Variants in TNXB observed in about 807,000 individuals in gnomAD.
The protein encoded by TNXB is tenascin-X.
A neutral mutation model predicts 340.5 loss-of-function variants in TNXB; 183 were observed. The ratio of observed to expected loss-of-function variants is 0.54; its 90% CI spans 0.48 to 0.61. The LOEUF (loss-of-function observed/expected upper bound fraction) is 0.61, where lower values mean the gene tolerates loss of function less well. Ranked by LOEUF, TNXB falls within the 20% of genes least tolerant of loss-of-function variation. The probability of loss-of-function intolerance (pLI) is 0.00; values close to 1 mark genes in which losing one functional copy is unlikely to be tolerated. For missense variants in TNXB, 4,613 were observed against 5,446.4 expected, an observed-to-expected ratio of 0.85 and a Z score of 4.82; for synonymous variants, 2,121 against 2,314.5, an observed-to-expected ratio of 0.92 and a Z score of 2.40.
intron 25 of TNXB, 36 bp downstream of exon 25, chr6:32,053,352 A>C: frequency 6.3e-7 from 1 of 1,599,102 alleles, no homozygotes; most frequent in Non-Finnish European, 8.5e-7. Flanking sequence ...AGACCCTCCC[A>C]CAGGCCCCAC....
At chr6:32,100,107 C>CTT (rs28892603) in intron 1 of TNXB, among the ~76,000 whole-genome samples, 9 of 141,336 alleles carry the variant, frequency 6.4e-5, no homozygotes, top group African/African-American at 1.3e-4. Context: ...AGCAAGATTT[C>CTT]TTTTTTTTTT....
In TNXB at chr6:32,095,643, T is replaced by C; in HGVS notation, c.2210A>G (p.Lys737Arg). 1 of 1,613,874 alleles carries C rather than the reference T, an allele frequency of 6.2e-7. No individual in the cohort carries two copies. The highest frequency in any genetic ancestry group is 8.5e-7 in the Non-Finnish European group (1 of 1,179,798). Residue 737 changes from lysine (K) to arginine (R), a missense_variant, in exon 3 of 44, where the codon AAA becomes AGA. This residue lies in a region of TNXB where 4,327 missense variants were observed against 4,859.4 expected (regional missense o/e 0.89). Transcript: ENST00000644971. ...GCAGTCTTCGCCAGCATACCCATCT[T>C]TGCAGACACAGCTGCCATCGTGACA... ...GECHDGSCVC[K>R]DGYAGEDCGE...
intron 29 of TNXB, 85 bp downstream of exon 29, chr6:32,048,278 G>C (rs900653878): frequency 1.8e-5 from 25 of 1,381,462 alleles, no homozygotes; most frequent in Non-Finnish European, 2.4e-5. Flanking sequence ...GAGGACTGGA[G>C]TGTGGGGCAC....
At chr6:32,078,522 T>C (rs1248678913) in intron 11 of TNXB, 1 of 151,652 alleles carries the variant, frequency 6.6e-6, no homozygotes, top group East Asian at 2.0e-4. Flanking sequence ...AAGAGGCCAA[T>C]GTCTCACGCG....
intron 22 of TNXB, among the ~76,000 whole-genome samples, chr6:32,057,772 G>T (rs969452693): frequency 2.0e-5 from 3 of 152,198 alleles, no homozygotes; most frequent in African/African-American, 7.2e-5. Context: ...GCTAAGGCAT[G>T]CCTGGCCTCA....
chr6:32,078,175 G>A (rs1779215953), intron 11 of TNXB, among the ~76,000 whole-genome samples: 1 of 152,002 alleles, frequency 6.6e-6, no homozygotes, highest in Non-Finnish European at 1.5e-5. Context: ...GGTCAGGCGT[G>A]GTGGCTCACG....
At position 32,096,219 on chromosome 6, in the gene TNXB, C is replaced by T. The variant is rs1299930307; in HGVS notation, c.1634G>A (p.Cys545Tyr). Residue 545 changes from cysteine to tyrosine, a missense_variant, in exon 3 of 44, where the codon TGT (cysteine) becomes TAT (tyrosine). Physicochemically the swap from Cys to Tyr is radical, Grantham distance 194. Around this residue, in one of 7 missense-constraint regions of TNXB, gnomAD observed 4,327 missense variants for 4,859.4 expected, o/e 0.89. Coordinates refer to ENST00000644971, the MANE Select transcript of TNXB (RefSeq NM_001365276.2). ...HGLCEDGVCV[C>Y]DAGYSGEDCS... ...GTCTTCCCCTGAGTAGCCTGCGTCA[C>T]ACACGCACACGCCATCCTCGCAAAG... is the stretch of plus-strand genomic sequence containing the variant. 1.3e-6 allele frequency: 2 copies of T among 1,569,006 alleles called. No homozygotes were observed. Among genetic ancestry groups the T allele is most frequent in the Non-Finnish European group, 1.7e-6 (2 of 1,160,496 alleles).
rs747570407 is a variant in TNXB, at chr6:32,067,614, G to A, written c.6544+47C>T. On this transcript the variant is annotated intron_variant, in intron 18 of 43. Transcript: ENST00000644971. The surrounding 1 kb of genome is among the most constrained non-coding windows in gnomAD (Gnocchi z 4.2). ...CCTAGTGGAGGAGATGCTGGAGGCT[G>A]TACTTTGCTAAGACCCAACCCAGAG... is the stretch of plus-strand genomic sequence containing the variant. The A allele has an allele frequency of 4.2e-5, 66 of 1,588,160 alleles. 1 individual carries two copies. Among genetic ancestry groups the A allele is most frequent in the Non-Finnish European group, 5.3e-5 (62 of 1,165,788 alleles).
At position 32,061,863 on chromosome 6, in the gene TNXB, A is replaced by C; in HGVS notation, c.7169-143T>G. 8.1e-7 allele frequency: 1 copy of C among 1,240,556 alleles called. No homozygotes were observed. 76.8% of individuals were successfully genotyped at this position (1,240,556 alleles called of 1,614,324 possible). On this transcript the variant is annotated intron_variant, in intron 20 of 43. Coordinates refer to ENST00000644971, the MANE Select transcript of TNXB (RefSeq NM_001365276.2). The surrounding 1 kb of genome is among the most constrained non-coding windows in gnomAD (Gnocchi z 4.4). ...TAGGGGACCTGAGGTCAGTTCAGAG[A>C]GGCCCATTCTTGGGGTCCTGCTCAG...
chr6:32,084,765 T>C lies in TNXB; in HGVS notation c.3149-56A>G. On this transcript the variant is annotated intron_variant, in intron 7 of 43. Coordinates refer to ENST00000644971, the MANE Select transcript of TNXB (RefSeq NM_001365276.2). The surrounding 1 kb of genome is among the most constrained non-coding windows in gnomAD (Gnocchi z 5.5). ...GTGGACTCAACCGTTCTCTTGTCTG[T>C]GTCTCCTTCCCTCTCCCCTGCCCAC... The C allele has an allele frequency of 6.9e-7, 1 of 1,449,954 alleles. No homozygotes were observed. The highest frequency in any genetic ancestry group is 9.2e-7 in the Non-Finnish European group (1 of 1,090,440). The allele number at this position is 1,449,954 out of a possible 1,614,324, so 89.8% of individuals were successfully genotyped here. A position where few individuals can be genotyped will look rare whatever the true frequency, so the allele number is the denominator to read the frequency against.
At chr6:32,059,802 C>T (rs975127002) in intron 21 of TNXB, among the ~76,000 whole-genome samples, 1 of 151,916 alleles carries the variant, frequency 6.6e-6, no homozygotes, top group Non-Finnish European at 1.5e-5. Flanking sequence ...TGAGCTCGCA[C>T]CTCACTTGGT....
chr6:32,076,954 C>A (rs902117846), intron 11 of TNXB, among the ~76,000 whole-genome samples: 1 of 151,962 alleles, frequency 6.6e-6, no homozygotes, highest in African/African-American at 2.4e-5. Flanking sequence ...TGCACTCCAG[C>A]CTGGGTGACA....
In TNXB at chr6:32,049,166, C is replaced by G. The variant is rs1378487710; in HGVS notation, c.9757+104G>C. 2.8e-6 allele frequency: 4 copies of G among 1,419,418 alleles called. No individual in the cohort carries two copies. The highest frequency in any genetic ancestry group is 3.7e-6 in the Non-Finnish European group (4 of 1,076,454). 87.9% of individuals were successfully genotyped at this position (1,419,418 alleles called of 1,614,324 possible). On this transcript the variant is annotated intron_variant, in intron 28 of 43. Transcript: ENST00000644971. This position sits in a 1 kb window ranked among gnomAD's most constrained non-coding sequence, Gnocchi z 4.5. Reference sequence around the variant, plus strand: ...ATCATTAGCAACATGGGAGAAAAGACAGAAACCTAGAGGCCCAGTCAAAAG... The same window carrying G: ...ATCATTAGCAACATGGGAGAAAAGAGAGAAACCTAGAGGCCCAGTCAAAAG...
rs761116914 is a variant in TNXB, at chr6:32,069,173, G to A, written c.5588-37C>T. The A allele has an allele frequency of 1.9e-6, 3 of 1,565,260 alleles. No homozygotes were observed. In the South Asian group the frequency reaches 3.5e-5, roughly 18 times the overall value. On this transcript the variant is annotated intron_variant, in intron 15 of 43. Coordinates refer to ENST00000644971, the MANE Select transcript of TNXB (RefSeq NM_001365276.2). This position sits in a 1 kb window ranked among gnomAD's most constrained non-coding sequence, Gnocchi z 6.2. Reference sequence around the variant, plus strand: ...AGACAGGTAGAGACAGATGGCTGGTGTGTCGCTGCACCCAGACTCTCAGGA... The same window carrying A: ...AGACAGGTAGAGACAGATGGCTGGTATGTCGCTGCACCCAGACTCTCAGGA...
chr6:32,048,684 G>A (rs1302972110), intron 28 of TNXB, 34 bp from the exon 29 acceptor site: 4 of 1,403,586 alleles, frequency 2.8e-6, no homozygotes, highest in Non-Finnish European at 3.7e-6. Flanking sequence ...TGGGTCAGGA[G>A]GCAGGACCCT....
In TNXB at chr6:32,058,563, C is replaced by T. The variant is rs1777826005; in HGVS notation, c.7493-173G>A. 2.6e-5 allele frequency among the ~76,000 whole-genome samples: 4 copies of T among 151,834 alleles called. No homozygotes were observed. The South Asian group carries it at 6.2e-4, about 24-fold the overall frequency. The stretch of plus-strand genomic sequence containing the variant: ...TTGGAATAAGAGCCGGTGAGGTATC[C>T]CCGAGCCCCCGGCCTGTACTGCTGG... On this transcript the variant is annotated intron_variant, in intron 21 of 43. Transcript: ENST00000644971. The surrounding 1 kb of genome is among the most constrained non-coding windows in gnomAD (Gnocchi z 5.1).
chr6:32,068,667 G>A lies in TNXB; in HGVS notation c.5943C>T (p.Thr1981=). 6.2e-7 allele frequency: 1 copy of A among 1,613,952 alleles called. No homozygotes were observed. Residue 1981 remains threonine (T), a synonymous_variant, in exon 17 of 44, where the codon ACC becomes ACT. Transcript: ENST00000644971. The surrounding 1 kb of genome is among the most constrained non-coding windows in gnomAD (Gnocchi z 5.3). ...GGCGAGGCTTGATGGGGGGCTCGGG[G>A]GTTGCGGTGGGAGGTTCTGAAGGCT... ...EEKPSEPPTA[T]PEPPIKPRLG... is the part of the protein sequence containing the mutation.
At position 32,079,454 on chromosome 6, in the gene TNXB, G is replaced by T; in HGVS notation, c.4043-89C>A. 2 of 1,073,804 alleles carry T rather than the reference G, an allele frequency of 1.9e-6. No homozygotes were observed. Among genetic ancestry groups the T allele is most frequent in the Non-Finnish European group, 2.7e-6 (2 of 752,182 alleles). The allele number at this position is 1,073,804 out of a possible 1,614,324, so 66.5% of individuals were successfully genotyped here. A position where few individuals can be genotyped will look rare whatever the true frequency, so the allele number is the denominator to read the frequency against. ...CCATGGAAATGCCCTTACGCTGTGG[G>T]CTCAGGGGCTCTGTAGCCTTTGTAT... is the stretch of plus-strand genomic sequence containing the variant. On this transcript the variant is annotated intron_variant, in intron 10 of 43. Transcript: ENST00000644971. The surrounding 1 kb of genome is among the most constrained non-coding windows in gnomAD (Gnocchi z 7.1).
rs1457733167 is a variant in TNXB, at chr6:32,098,046, T to C, written c.153A>G (p.Gly51=). The C allele has an allele frequency of 1.2e-6, 2 of 1,606,986 alleles. No individual in the cohort carries two copies. Among genetic ancestry groups the C allele is most frequent in the Middle Eastern group, 1.7e-4 (1 of 6,054 alleles). Residue 51 remains glycine, a synonymous_variant, in exon 2 of 44, where the codon GGA becomes GGG. Coordinates refer to ENST00000644971, the MANE Select transcript of TNXB (RefSeq NM_001365276.2). ...PQPGGHTVGA[G]VGSPSSQLYE... Reference sequence around the variant, plus strand: ...AAAGCTGAGAAGAGGGGCTTCCCACTCCAGCCCCCACTGTGTGGCCCCCTG... The same window carrying C: ...AAAGCTGAGAAGAGGGGCTTCCCACCCCAGCCCCCACTGTGTGGCCCCCTG...
Sources: gnomAD v4.1 joint callset for allele counts (sites outside exome capture counted in the v4.1 genomes callset) on GRCh38, gnomAD v4.1.1 for gene constraint, gnomAD v4.1.1 regional missense constraint, Gnocchi (gnomAD v3.1) non-coding constraint, MANE v1.5 for transcripts, NCBI Gene and HGNC (gene_info 2026-07-23, HGNC 2026-07-21) for gene names.